BPTF: variants seen among roughly 807,000 people sequenced by gnomAD.
BPTF encodes nucleosome-remodeling factor subunit BPTF.
BPTF carries 18 observed loss-of-function variants against 292.5 expected under a neutral mutation model. The ratio of observed to expected loss-of-function variants is 0.06; its 90% CI spans 0.04 to 0.09. The LOEUF (loss-of-function observed/expected upper bound fraction) is 0.09, where lower values mean the gene tolerates loss of function less well. Among genes scored for constraint, BPTF ranks in the 10% least tolerant of loss-of-function variants. The pLI is 1.00. For synonymous variants in BPTF, 1,225 were observed against 1,251.9 expected (o/e 0.98, Z 0.45); for missense variants, 2,726 against 3,498.7 (o/e 0.78, Z 5.57).
chr17:67,855,063 G>A (rs2058611374), intron 2 of BPTF, among the ~76,000 whole-genome samples: 1 of 152,202 alleles, frequency 6.6e-6, no homozygotes, highest in Admixed American at 6.5e-5. Context: ...CACTTTGGGA[G>A]GCCAAGGTGG....
intron 10 of BPTF, among the ~76,000 whole-genome samples, chr17:67,910,038 C>T (rs1383922912): frequency 1.3e-5 from 2 of 152,140 alleles, no homozygotes; most frequent in Admixed American, 1.3e-4. Flanking sequence ...CAACCCCTCC[C>T]GAAAGTGCCA....
intron 27 of BPTF, chr17:67,977,623 C>T (rs558275575): frequency 6.6e-6 from 1 of 151,880 alleles, no homozygotes; most frequent in Non-Finnish European, 1.5e-5. Flanking sequence ...GCGGGCGGAT[C>T]ACGAGGTCAG....
intron 4 of BPTF, among the ~76,000 whole-genome samples, chr17:67,876,833 ATATATT>A (rs1271233506): frequency 6.6e-6 from 1 of 152,080 alleles, no homozygotes; most frequent in Non-Finnish European, 1.5e-5. Flanking sequence ...GAAAAAGAAA[ATATATT>A]TATATGAAAA....
At chr17:67,862,799 GA>G (rs966335361) in intron 2 of BPTF, among the ~76,000 whole-genome samples, 1 of 147,842 alleles carries the variant, frequency 6.8e-6, no homozygotes, top group South Asian at 2.1e-4. Flanking sequence ...CAGGCTCTAG[GA>G]AAAAAATCCT....
intron 1 of BPTF, among the ~76,000 whole-genome samples, chr17:67,850,981 T>C (rs2058360789): frequency 6.6e-6 from 1 of 151,948 alleles, no homozygotes; most frequent in South Asian, 2.1e-4. Flanking sequence ...AATAAGCAAA[T>C]TGATACAATA....
rs1351004039 is a variant in BPTF, at chr17:67,899,804, C to A, written c.2544-3985C>A. On this transcript the variant is annotated intron_variant, in intron 7 of 27. Coordinates refer to ENST00000306378, the MANE Select transcript of BPTF (RefSeq NM_182641.4). The stretch of plus-strand genomic sequence containing the variant: ...TCGGCTTCCCAAAGTGCTGGGATTA[C>A]AAGCATGAGCCACCGCGCCCGGCCT... 4.6e-5 allele frequency among the ~76,000 whole-genome samples: 7 copies of A among 152,058 alleles called. No homozygotes were observed. In the South Asian group the frequency reaches 1.5e-3, roughly 32 times the overall value.
At chr17:67,957,291 TAAAAAAATA>T (rs1180137079) in intron 23 of BPTF, 1 of 151,624 alleles carries the variant, frequency 6.6e-6, no homozygotes, top group Non-Finnish European at 1.5e-5. Context: ...CTCAAAAAAA[TAAAAAAATA>T]AAAAAAATAA....
chr17:67,846,242 C>T (rs1253469154), intron 1 of BPTF, among the ~76,000 whole-genome samples: 1 of 152,174 alleles, frequency 6.6e-6, no homozygotes, highest in Non-Finnish European at 1.5e-5. Context: ...GTAATTCCCA[C>T]ACTTTGGGAG....
At chr17:67,923,106 A>C in intron 14 of BPTF, 116 bp downstream of exon 14, 1 of 1,210,500 alleles carries the variant, frequency 8.3e-7, no homozygotes, top group Non-Finnish European at 1.1e-6. Context: ...CCCAGGCTGG[A>C]GTGCAGTGGC....
intron 14 of BPTF, among the ~76,000 whole-genome samples, chr17:67,924,057 G>A (rs375928543): frequency 2.0e-5 from 3 of 151,914 alleles, no homozygotes; most frequent in East Asian, 1.9e-4. Context: ...GGAGTGCAGT[G>A]GCACAATCTC....
intron 7 of BPTF, among the ~76,000 whole-genome samples, chr17:67,903,409 ATCT>A (rs1366986045): frequency 2.0e-5 from 3 of 152,246 alleles, no homozygotes; most frequent in African/African-American, 7.2e-5. Context: ...ATAAGGAAAG[ATCT>A]TCTAGTGTAA....
At chr17:67,942,239 C>T (rs1401920469) in intron 19 of BPTF, among the ~76,000 whole-genome samples, 1 of 151,962 alleles carries the variant, frequency 6.6e-6, no homozygotes, top group Non-Finnish European at 1.5e-5. Flanking sequence ...TTGCTTGAAC[C>T]CAAGAAGCAG....
chr17:67,830,946 G>T (rs535099912), intron 1 of BPTF, among the ~76,000 whole-genome samples: 1 of 152,294 alleles, frequency 6.6e-6, no homozygotes, highest in South Asian at 2.1e-4. Flanking sequence ...AAATCACAGA[G>T]ATGCTGTTGA....
intron 2 of BPTF, among the ~76,000 whole-genome samples, chr17:67,862,046 C>T (rs2059116010): frequency 6.6e-6 from 1 of 152,100 alleles, no homozygotes; most frequent in Admixed American, 6.5e-5. Flanking sequence ...CACAACCTTG[C>T]TTCACTGCAA....
intron 9 of BPTF, among the ~76,000 whole-genome samples, chr17:67,907,625 G>T (rs1391412691): frequency 6.6e-6 from 1 of 152,032 alleles, no homozygotes; most frequent in African/African-American, 2.4e-5. Context: ...CAAAGTGCTG[G>T]GATTACAGGT....
At chr17:67,942,067 A>C (rs1023450868) in intron 19 of BPTF, among the ~76,000 whole-genome samples, 1 of 152,190 alleles carries the variant, frequency 6.6e-6, no homozygotes, top group Admixed American at 6.6e-5. Context: ...TGGGGGGCCA[A>C]GGTTTTGGGA....
Position 67,935,089 on chromosome 17 carries a change from ATTC to A in BPTF, c.6259+3073_6259+3075del, listed in dbSNP as rs199619781. Among the ~76,000 whole-genome samples, 795 of 152,230 alleles carry A rather than the reference ATTC, an allele frequency of 5.2e-3. 8 individuals carry two copies. The highest frequency in any genetic ancestry group is 5.5e-3 in the Non-Finnish European group (373 of 68,026). On this transcript the variant is annotated intron_variant, in intron 18 of 27. Coordinates refer to ENST00000306378, the MANE Select transcript of BPTF (RefSeq NM_182641.4). ...AATAAAACAAACCAAAAATACCTCT[ATTC>A]TTAATCAAAAGTTAGAAACATATAT... is the stretch of plus-strand genomic sequence containing the variant.
At position 67,959,470 on chromosome 17, in the gene BPTF, C is replaced by A. The variant is rs923298607; in HGVS notation, c.7927-71C>A. 17 of 1,260,208 alleles carry A rather than the reference C, an allele frequency of 1.3e-5. No homozygotes were observed. In the African/African-American group the frequency reaches 2.4e-4, roughly 18 times the overall value. The allele number at this position is 1,260,208 out of a possible 1,614,324, so 78.1% of individuals were successfully genotyped here. A position where few individuals can be genotyped will look rare whatever the true frequency, so the allele number is the denominator to read the frequency against. On this transcript the variant is annotated intron_variant, in intron 23 of 27. Coordinates refer to ENST00000306378, the MANE Select transcript of BPTF (RefSeq NM_182641.4). The stretch of plus-strand genomic sequence containing the variant: ...TACTTTGACAAGAGTGGGTAGTGTA[C>A]CATCTTCTGGCCAGATCACACATTT...
rs763959358 is a variant in BPTF, at chr17:67,912,208, A to C, written c.4324A>C (p.Asn1442His). ...VSGNVEPKVN[N>H]INKIIPENDI... ...TGGTAATGTTGAACCAAAGGTTAAT[A>C]ATATAAATAAAATAATCCCTGAGAA... The change falls in exon 11 of 28, where the codon AAT (asparagine) becomes CAT (histidine). Residue 1442 changes from asparagine (N) to histidine (H), a missense_variant. Physicochemically the swap from Asn to His is moderately conservative, Grantham distance 68. This residue lies in a region of BPTF where 713 missense variants were observed against 714.9 expected (regional missense o/e 1.00). Coordinates refer to ENST00000306378, the MANE Select transcript of BPTF (RefSeq NM_182641.4). The C allele has an allele frequency of 1.2e-6, 2 of 1,608,818 alleles. No homozygotes were observed. Among genetic ancestry groups the C allele is most frequent in the South Asian group, 1.1e-5 (1 of 90,040 alleles).
Sources: gnomAD v4.1 joint callset for allele counts (sites outside exome capture counted in the v4.1 genomes callset) on GRCh38, gnomAD v4.1.1 for gene constraint, gnomAD v4.1.1 regional missense constraint, MANE v1.5 for transcripts, NCBI Gene and HGNC (gene_info 2026-07-23, HGNC 2026-07-21) for gene names.